The following ROBO2 variants were observed in gnomAD, a reference collection of about 807,000 sequenced individuals.
The protein encoded by ROBO2 is roundabout guidance receptor 2.
ROBO2 carries 53 observed loss-of-function variants against 160.8 expected under a neutral mutation model. The ratio of observed to expected loss-of-function variants is 0.33; its 90% CI spans 0.26 to 0.41. The LOEUF (loss-of-function observed/expected upper bound fraction) is 0.41. Ranked by LOEUF, ROBO2 falls within the 10% of genes least tolerant of loss-of-function variation. The pLI is 1.00. For missense variants in ROBO2, 1,577 were observed against 1,722.4 expected (o/e 0.92, Z 1.49); for synonymous variants, 664 against 611.7 (o/e 1.09, Z -1.26).
intron 1 of ROBO2, among the ~76,000 whole-genome samples, chr3:75,913,816 T>G (rs1237249392): frequency 2.0e-5 from 3 of 152,176 alleles, no homozygotes; most frequent in Admixed American, 6.5e-5. Flanking sequence ...CTTTGCAGAA[T>G]ATAAATTTTC....
chr3:76,553,067 T>C (rs751214555), intron 2 of ROBO2, among the ~76,000 whole-genome samples: 8 of 151,918 alleles, frequency 5.3e-5, no homozygotes, highest in Non-Finnish European at 1.2e-4. Context: ...ATAGGAGAGA[T>C]AGGATGTGAA....
At chr3:77,344,482 C>T (rs2067412246) in intron 2 of ROBO2, among the ~76,000 whole-genome samples, 1 of 152,052 alleles carries the variant, frequency 6.6e-6, no homozygotes, top group African/African-American at 2.4e-5. Context: ...AAAAGAGGCC[C>T]AAGAAAGCTC....
At chr3:77,590,423 A>G (rs911232429) in intron 17 of ROBO2, among the ~76,000 whole-genome samples, 5 of 152,148 alleles carry the variant, frequency 3.3e-5, no homozygotes, top group African/African-American at 1.2e-4. Flanking sequence ...ACTTTAATGT[A>G]CCTTCTTGTT....
intron 21 of ROBO2, among the ~76,000 whole-genome samples, chr3:77,614,741 C>A (rs192917357): frequency 0.028 from 4,006 of 143,658 alleles, 74 homozygotes; most frequent in African/African-American, 0.043. Context: ...AACCAACCAA[C>A]CAACCAACCA....
At chr3:75,966,264 A>G (rs908218277) in intron 2 of ROBO2, among the ~76,000 whole-genome samples, 2 of 69,764 alleles carry the variant, frequency 2.9e-5, no homozygotes, top group Non-Finnish European at 7.9e-5. Context: ...CTTTGCCTAA[A>G]TAACGTTTTT....
chr3:77,134,300 G>T (rs1019471960), intron 2 of ROBO2, among the ~76,000 whole-genome samples: 2 of 152,088 alleles, frequency 1.3e-5, no homozygotes, highest in Admixed American at 1.3e-4. Flanking sequence ...TTTAAAAACC[G>T]AAAGAATTAA....
At chr3:76,024,055 ATTAG>A (rs1326363079) in intron 2 of ROBO2, among the ~76,000 whole-genome samples, 3 of 151,400 alleles carry the variant, frequency 2.0e-5, no homozygotes, top group Non-Finnish European at 4.4e-5. Flanking sequence ...ACATCATCTC[ATTAG>A]TTATATATAT....
intron 2 of ROBO2, among the ~76,000 whole-genome samples, chr3:76,756,471 A>G (rs2060977601): frequency 6.6e-6 from 1 of 151,860 alleles, no homozygotes; most frequent in African/African-American, 2.4e-5. Flanking sequence ...GGGGTGAAAA[A>G]GTAGTATATA....
intron 2 of ROBO2, among the ~76,000 whole-genome samples, chr3:76,031,436 G>C (rs1425407638): frequency 6.6e-6 from 1 of 152,160 alleles, no homozygotes; most frequent in Non-Finnish European, 1.5e-5. Flanking sequence ...TCCCTGTCTT[G>C]TGCCAGTTTT....
intron 2 of ROBO2, among the ~76,000 whole-genome samples, chr3:76,595,307 A>G (rs905303185): frequency 1.3e-5 from 2 of 152,050 alleles, no homozygotes; most frequent in Non-Finnish European, 2.9e-5. Flanking sequence ...TTGGGGGACA[A>G]TAAAAACTGG....
At chr3:77,394,740 T>C (rs2075098903) in intron 2 of ROBO2, among the ~76,000 whole-genome samples, 1 of 149,302 alleles carries the variant, frequency 6.7e-6, no homozygotes, top group Non-Finnish European at 1.5e-5. Flanking sequence ...TTGTTAATGC[T>C]GTAATAATTG....
intron 2 of ROBO2, among the ~76,000 whole-genome samples, chr3:75,987,815 T>G (rs1026275977): frequency 6.6e-6 from 1 of 152,082 alleles, no homozygotes; most frequent in East Asian, 1.9e-4. Context: ...ATTTTTTCCC[T>G]TGTGTTAATA....
intron 2 of ROBO2, among the ~76,000 whole-genome samples, chr3:76,432,601 A>G (rs768601094): frequency 2.0e-5 from 3 of 152,176 alleles, no homozygotes; most frequent in Non-Finnish European, 2.9e-5. Context: ...GTTCCCAACT[A>G]TGTGAACCTC....
At chr3:76,519,790 A>G (rs946655259) in intron 2 of ROBO2, among the ~76,000 whole-genome samples, 1 of 152,136 alleles carries the variant, frequency 6.6e-6, no homozygotes, top group East Asian at 1.9e-4. Context: ...CTTTTTTCTT[A>G]AAGTTTCTGG....
intron 2 of ROBO2, among the ~76,000 whole-genome samples, chr3:76,921,226 T>C (rs1031533543): frequency 6.6e-6 from 1 of 152,238 alleles, no homozygotes; most frequent in African/African-American, 2.4e-5. Flanking sequence ...CAGTTTGATA[T>C]ATATTCGTCC....
chr3:75,943,795 G>A (rs113368926), intron 2 of ROBO2, among the ~76,000 whole-genome samples: 2 of 151,888 alleles, frequency 1.3e-5, no homozygotes, highest in African/African-American at 4.8e-5. Flanking sequence ...TCCACCTCCC[G>A]GGCTCAATGG....
intron 2 of ROBO2, among the ~76,000 whole-genome samples, chr3:77,276,481 G>A (rs1251900685): frequency 6.6e-6 from 1 of 152,170 alleles, no homozygotes; most frequent in African/African-American, 2.4e-5. Flanking sequence ...TGAGAATGCA[G>A]GCTGTGGCAG....
chr3:76,669,374 G>A (rs189193929), intron 2 of ROBO2, among the ~76,000 whole-genome samples: 24 of 152,230 alleles, frequency 1.6e-4, no homozygotes, highest in Admixed American at 1.1e-3. Context: ...CTCTTAGCTT[G>A]TAAAATAGTC....
intron 2 of ROBO2, among the ~76,000 whole-genome samples, chr3:77,467,375 G>A (rs1045011010): frequency 6.6e-6 from 1 of 152,110 alleles, no homozygotes; most frequent in Admixed American, 6.6e-5. Flanking sequence ...AAAATGAGAA[G>A]CAGTAGGGAA....
Sources: allele counts gnomAD v4.1 joint callset (sites outside exome capture counted in the v4.1 genomes callset), GRCh38; gene constraint gnomAD v4.1.1; transcripts MANE v1.5; gene names NCBI Gene and HGNC (gene_info 2026-07-23, HGNC 2026-07-21).